SLC25A30: variants seen among roughly 807,000 people sequenced by gnomAD.
The protein encoded by SLC25A30 is solute carrier family 25 member 30, also known as kidney mitochondrial carrier protein 1.
Under a neutral mutation model 42.7 loss-of-function variants are expected in SLC25A30, and 29 were observed. The observed-to-expected ratio is 0.68, with a 90% CI of 0.51 to 0.93. The LOEUF is 0.93. SLC25A30 is among the 40% of genes least tolerant of loss of function. The pLI, the probability that SLC25A30 is intolerant of heterozygous loss-of-function variation, is 0.00. For missense variants in SLC25A30, 300 were observed against 359.7 expected (o/e 0.83, Z 1.34); for synonymous variants, 124 against 131.0 (o/e 0.95, Z 0.37).
intron 2 of SLC25A30, 138 bp from the exon 3 acceptor site, chr13:45,409,212 T>A: frequency 1.3e-5 from 8 of 627,682 alleles, no homozygotes. Flanking sequence ...TTTGCAATCT[T>A]GTTTATATTT....
In SLC25A30 at chr13:45,394,424, CAA is replaced by C. The variant is rs200334727; in HGVS notation, c.*1548_*1549del. On this transcript the variant is annotated 3_prime_UTR_variant, in exon 10 of 10. Transcript: ENST00000519676. ...CTGCAGTCCTTCTATTCAGTCTCAA[CAA>C]AGAGACTGGCCAGACTGGGAATTTG... 6.7e-4 allele frequency: 660 copies of C among 985,394 alleles called. 2 individuals carry two copies. The African/African-American group carries it at 0.011, about 16-fold the overall frequency. The allele number at this position is 985,394 out of a possible 1,614,324, so 61.0% of individuals were successfully genotyped here.
At chr13:45,420,521 G>A (rs142523696), upstream of SLC25A30, 2 of 152,198 alleles carry the variant, frequency 1.3e-5, no homozygotes, top group African/African-American at 4.8e-5. Flanking sequence ...ACTCATGACT[G>A]TGTGGTACTA....
At chr13:45,407,670 T>C (rs962602074) in intron 3 of SLC25A30, among the ~76,000 whole-genome samples, 8 of 152,224 alleles carry the variant, frequency 5.3e-5, no homozygotes, top group African/African-American at 1.9e-4. Flanking sequence ...TTAGATGTCC[T>C]GTGTATACCT....
chr13:45,411,090 C>T (rs1201648996), intron 2 of SLC25A30, among the ~76,000 whole-genome samples: 3 of 151,682 alleles, frequency 2.0e-5, no homozygotes, highest in Non-Finnish European at 4.4e-5. Flanking sequence ...CAGGCCTGTG[C>T]CACCACACCT....
Position 45,394,378 on chromosome 13 carries a change from TATCTC to T in SLC25A30, c.*1591_*1595del. On this transcript the variant is annotated 3_prime_UTR_variant, in exon 10 of 10. Transcript: ENST00000519676. ...GGGAAAAATGCCTGCGAGGAAAAAT[TATCTC>T]ATCCTCCAAAAAAACCTGCAGTCCT... 1 of 984,972 alleles carries T rather than the reference TATCTC, an allele frequency of 1.0e-6. No individual in the cohort carries two copies. Among genetic ancestry groups the T allele is most frequent in the Non-Finnish European group, 1.2e-6 (1 of 829,908 alleles). 61.0% of individuals were successfully genotyped at this position (984,972 alleles called of 1,614,324 possible).
Position 45,394,883 on chromosome 13 carries a change from TA to T in SLC25A30, c.*1090del. On this transcript the variant is annotated 3_prime_UTR_variant, in exon 10 of 10. Transcript: ENST00000519676. ...AAGACAGGCACAACATAAACTAAAG[TA>T]AAAACTGGAAACCTGGAAAAATCAA... is the stretch of plus-strand genomic sequence containing the variant. 2 of 985,298 alleles carry T rather than the reference TA, an allele frequency of 2.0e-6. No individual in the cohort carries two copies. The highest frequency in any genetic ancestry group is 2.4e-6 in the Non-Finnish European group (2 of 829,874). The allele number at this position is 985,298 out of a possible 1,614,324, so 61.0% of individuals were successfully genotyped here.
At chr13:45,425,553 T>TATATATATAAATATATATATAC in the SLC25A30 span, among the ~76,000 whole-genome samples, 2 of 75,546 alleles carry the variant, frequency 2.6e-5, no homozygotes, top group African/African-American at 9.8e-5. Flanking sequence ...TATATATAAG[T>TATATATATAAATATATATATAC]ATATATATAA....
intron 2 of SLC25A30, among the ~76,000 whole-genome samples, chr13:45,409,982 C>T (rs538410660): frequency 1.1e-4 from 16 of 152,312 alleles, no homozygotes; most frequent in East Asian, 5.8e-4. Flanking sequence ...GTGGTTACCA[C>T]GGCTCATCCA....
chr13:45,422,106 C>T (rs1450427273), upstream of SLC25A30, among the ~76,000 whole-genome samples: 1 of 152,162 alleles, frequency 6.6e-6, no homozygotes, highest in African/African-American at 2.4e-5. Context: ...TGGTTTTCAT[C>T]ATCTTGGCAA....
At chr13:45,433,475 T>C in the SLC25A30 span, among the ~76,000 whole-genome samples, 1 of 152,188 alleles carries the variant, frequency 6.6e-6, no homozygotes, top group Non-Finnish European at 1.5e-5. Flanking sequence ...AAGCCAGAAC[T>C]GACACTGGTT....
At chr13:45,413,926 G>C (rs1883252014) in intron 1 of SLC25A30, among the ~76,000 whole-genome samples, 1 of 152,104 alleles carries the variant, frequency 6.6e-6, no homozygotes, top group Non-Finnish European at 1.5e-5. Flanking sequence ...CAGTTGGTTA[G>C]GTTAAAATCC....
chr13:45,416,931 C>G (rs1426263512), intron 1 of SLC25A30, among the ~76,000 whole-genome samples: 2 of 152,158 alleles, frequency 1.3e-5, no homozygotes, highest in African/African-American at 4.8e-5. Context: ...TTTTCACCCA[C>G]CTGACCTCAT....
At chr13:45,425,094 A>ATATG in the SLC25A30 span, among the ~76,000 whole-genome samples, 1 of 27,734 alleles carries the variant, frequency 3.6e-5, no homozygotes, top group African/African-American at 1.7e-4. Context: ...ATATAAATAT[A>ATATG]TTTATAAATA....
chr13:45,425,518 A>G, the SLC25A30 span, among the ~76,000 whole-genome samples: 1 of 101,984 alleles, frequency 9.8e-6, no homozygotes, highest in Non-Finnish European at 1.9e-5. Flanking sequence ...ATATATAAGC[A>G]TATATATAAA....
Position 45,393,611 on chromosome 13 carries a change from C to T in SLC25A30, c.*2363G>A, listed in dbSNP as rs1881107424. On this transcript the variant is annotated 3_prime_UTR_variant, in exon 10 of 10. Coordinates refer to ENST00000519676, the MANE Select transcript of SLC25A30 (RefSeq NM_001010875.4). ...TTCCTTTTGGCATATTTAAGAAAAC[C>T]CAAAGGTGGGGAGGTACTTATAGCC... is the stretch of plus-strand genomic sequence containing the variant. 1 of 985,106 alleles carries T rather than the reference C, an allele frequency of 1.0e-6. No homozygotes were observed. Among genetic ancestry groups the T allele is most frequent in the African/African-American group, 1.7e-5 (1 of 57,198 alleles). The allele number at this position is 985,106 out of a possible 1,614,324, so 61.0% of individuals were successfully genotyped here.
chr13:45,400,033 T>TACACACACACACACAC (rs71184413), intron 7 of SLC25A30, among the ~76,000 whole-genome samples: 1 of 122,988 alleles, frequency 8.1e-6, no homozygotes, highest in Non-Finnish European at 1.7e-5. Context: ...TATATATATA[T>TACACACACACACACAC]ACACACACAC....
At chr13:45,396,223 T>C in intron 9 of SLC25A30, 1 of 1,428,178 alleles carries the variant, frequency 7.0e-7, no homozygotes, top group Non-Finnish European at 9.1e-7. Flanking sequence ...AGCTGAGATA[T>C]GTAAATCCCC....
the SLC25A30 span, among the ~76,000 whole-genome samples, chr13:45,424,542 TA>T: frequency 7.0e-5 from 3 of 42,788 alleles, no homozygotes; most frequent in African/African-American, 4.2e-4. Context: ...TATAAATATA[TA>T]AATATATAAA....
In SLC25A30 at chr13:45,394,667, G is replaced by T; in HGVS notation, c.*1307C>A. On this transcript the variant is annotated 3_prime_UTR_variant, in exon 10 of 10. Transcript: ENST00000519676. ...GAAGAGGGCTCTTTCTCTGAAGCAG[G>T]TTAGAGTAAAGAATAAGAAAATAGA... 1.0e-6 allele frequency: 1 copy of T among 985,076 alleles called. No individual in the cohort carries two copies. The highest frequency in any genetic ancestry group is 1.2e-6 in the Non-Finnish European group (1 of 829,732). 61.0% of individuals were successfully genotyped at this position (985,076 alleles called of 1,614,324 possible).
Sources: gnomAD v4.1 joint callset for allele counts (sites outside exome capture counted in the v4.1 genomes callset) on GRCh38, gnomAD v4.1.1 for gene constraint, MANE v1.5 for transcripts, NCBI Gene and HGNC (gene_info 2026-07-23, HGNC 2026-07-21) for gene names.